Variants in TMEM156 observed in about 807,000 individuals in gnomAD.
TMEM156 encodes the protein transmembrane protein 156.
A neutral mutation model predicts 30.5 loss-of-function variants in TMEM156; 28 were observed. That is an observed-to-expected ratio of 0.92 (90% CI 0.68 to 1.26). The LOEUF (loss-of-function observed/expected upper bound fraction) is 1.26, where lower values mean the gene tolerates loss of function less well. Ranked by LOEUF, TMEM156 falls within the 50% of genes most tolerant of loss-of-function variation. TMEM156 has a pLI of 0.00. For synonymous variants in TMEM156, 137 were observed against 119.9 expected (o/e 1.14, Z -0.93); for missense variants, 351 against 340.6 (o/e 1.03, Z -0.24).
chr4:39,003,037 A>T (rs1288656859), intron 1 of TMEM156, among the ~76,000 whole-genome samples: 1 of 152,224 alleles, frequency 6.6e-6, no homozygotes, highest in Admixed American at 6.5e-5. Context: ...GTATAATAAT[A>T]AAAAAATTTA....
At chr4:38,982,136 GA>G (rs974144055) in intron 5 of TMEM156, among the ~76,000 whole-genome samples, 1 of 152,178 alleles carries the variant, frequency 6.6e-6, no homozygotes, top group African/African-American at 2.4e-5. Context: ...GCAGGCAGAA[GA>G]ACCTGGAAAG....
chr4:39,022,170 TTCACACG>T (rs1204486954), intron 1 of TMEM156, among the ~76,000 whole-genome samples: 2 of 152,224 alleles, frequency 1.3e-5, no homozygotes, highest in Non-Finnish European at 2.9e-5. Context: ...GATTGGACTT[TTCACACG>T]TCACAGGTAA....
intron 3 of TMEM156, among the ~76,000 whole-genome samples, chr4:38,992,732 T>TA (rs1712600590): frequency 2.0e-5 from 1 of 51,180 alleles, no homozygotes; most frequent in Non-Finnish European, 4.2e-5. Flanking sequence ...ATAATATATA[T>TA]ATAATATATA....
At chr4:38,977,695 T>A (rs567689751) in intron 5 of TMEM156, among the ~76,000 whole-genome samples, 1 of 152,240 alleles carries the variant, frequency 6.6e-6, no homozygotes, top group Non-Finnish European at 1.5e-5. Context: ...ATTTATCAAA[T>A]CTCTGAAACA....
chr4:39,028,151 G>A (rs1011157550), intron 1 of TMEM156, among the ~76,000 whole-genome samples: 65 of 152,288 alleles, frequency 4.3e-4, no homozygotes, highest in African/African-American at 1.5e-3. Flanking sequence ...GCCTCCCAAA[G>A]TTCTGGGATT....
At chr4:38,981,077 A>T (rs752606183) in intron 5 of TMEM156, 41 of 285,650 alleles carry the variant, frequency 1.4e-4, no homozygotes, top group Non-Finnish European at 2.0e-4. Flanking sequence ...TATGAACCCA[A>T]ATCTGTATTT....
At chr4:39,022,203 A>G (rs1471865691) in intron 1 of TMEM156, among the ~76,000 whole-genome samples, 1 of 152,204 alleles carries the variant, frequency 6.6e-6, no homozygotes, top group African/African-American at 2.4e-5. Context: ...CTCAACATCC[A>G]AGTTATGGCC....
At chr4:38,989,002 GTAAAA>G (rs778039531) in intron 3 of TMEM156, 32 bp from the exon 4 acceptor site, 2 of 1,595,744 alleles carry the variant, frequency 1.3e-6, no homozygotes. Flanking sequence ...TAAAAACCCA[GTAAAA>G]TTATTCAACA....
Position 38,966,806 on chromosome 4 carries a change from T to TA in TMEM156, c.*873_*874insT, listed in dbSNP as rs1236219500. The TA allele has an allele frequency of 4.8e-5, 7 of 144,892 alleles. No individual in the cohort carries two copies. Among genetic ancestry groups the TA allele is most frequent in the African/African-American group, 1.9e-4 (7 of 36,748 alleles). 9.0% of individuals were successfully genotyped at this position (144,892 alleles called of 1,614,324 possible). The stretch of plus-strand genomic sequence containing the variant: ...CGTTTTATTGGTATCTTTGATTTTT[T>TA]TTTTTTTTTTTTTTTGAGACAGAGT... On this transcript the variant is annotated 3_prime_UTR_variant, in exon 7 of 7. Coordinates refer to ENST00000381938, the MANE Select transcript of TMEM156 (RefSeq NM_024943.3).
At chr4:38,968,150 C>T (rs1272611988) in intron 6 of TMEM156, among the ~76,000 whole-genome samples, 4 of 152,140 alleles carry the variant, frequency 2.6e-5, no homozygotes, top group African/African-American at 9.7e-5. Flanking sequence ...AGCCTAGGAC[C>T]AAGGAAACCT....
chr4:39,011,504 G>A (rs1445781876), intron 1 of TMEM156, among the ~76,000 whole-genome samples: 2 of 152,106 alleles, frequency 1.3e-5, no homozygotes, highest in Non-Finnish European at 2.9e-5. Context: ...ATCCATCAGT[G>A]GTGGCTCATG....
At chr4:38,974,060 T>C (rs907156097) in intron 5 of TMEM156, among the ~76,000 whole-genome samples, 9 of 11,724 alleles carry the variant, frequency 7.7e-4, no homozygotes, top group Non-Finnish European at 1.2e-3. Context: ...AAGGAGTGCG[T>C]GTGTGTGTGT....
intron 2 of TMEM156, among the ~76,000 whole-genome samples, chr4:38,995,952 G>C (rs945916467): frequency 1.3e-5 from 2 of 152,054 alleles, no homozygotes; most frequent in Admixed American, 1.3e-4. Flanking sequence ...CAGGTAGAAA[G>C]ACCACATAAA....
At chr4:38,997,506 G>T (rs1395160613) in intron 2 of TMEM156, among the ~76,000 whole-genome samples, 1 of 152,114 alleles carries the variant, frequency 6.6e-6, no homozygotes, top group Non-Finnish European at 1.5e-5. Flanking sequence ...TAAATGCCAA[G>T]AAATTATGTT....
At chr4:38,990,028 C>T (rs1337086044) in intron 3 of TMEM156, among the ~76,000 whole-genome samples, 2 of 152,160 alleles carry the variant, frequency 1.3e-5, no homozygotes, top group South Asian at 2.1e-4. Context: ...CTCCTGGCCT[C>T]GGGCAATCCA....
At chr4:38,999,399 G>T (rs531699830) in intron 1 of TMEM156, among the ~76,000 whole-genome samples, 1 of 152,090 alleles carries the variant, frequency 6.6e-6, no homozygotes, top group African/African-American at 2.4e-5. Flanking sequence ...ATAAAGAAGC[G>T]CTTGGAATCT....
intron 1 of TMEM156, among the ~76,000 whole-genome samples, chr4:39,006,111 G>A (rs1034406774): frequency 1.3e-5 from 2 of 152,116 alleles, no homozygotes; most frequent in African/African-American, 4.8e-5. Context: ...GGCCAGGCTG[G>A]TCTCAAACTC....
At chr4:38,974,432 A>C (rs1722753065) in intron 5 of TMEM156, among the ~76,000 whole-genome samples, 2 of 152,070 alleles carry the variant, frequency 1.3e-5, no homozygotes, top group South Asian at 4.1e-4. Flanking sequence ...TTATTTCAAA[A>C]ATAGAATTAG....
intron 1 of TMEM156, among the ~76,000 whole-genome samples, chr4:39,009,441 C>CA (rs997018892): frequency 6.6e-5 from 10 of 151,736 alleles, no homozygotes; most frequent in Admixed American, 2.0e-4. Context: ...AAAGACACAA[C>CA]AAAAAAAGGA....
Sources: allele counts gnomAD v4.1 joint callset (sites outside exome capture counted in the v4.1 genomes callset), GRCh38; gene constraint gnomAD v4.1.1; transcripts MANE v1.5; gene names NCBI Gene and HGNC (gene_info 2026-07-23, HGNC 2026-07-21).